RBM26: variants seen among roughly 807,000 people sequenced by gnomAD.
The protein encoded by RBM26 is RNA-binding protein 26.
RBM26 carries 30 observed loss-of-function variants against 123.6 expected under a neutral mutation model. The ratio of observed to expected loss-of-function variants is 0.24; its 90% confidence interval spans 0.18 to 0.33. The LOEUF is 0.33. RBM26 is among the 10% of genes least tolerant of loss of function. The probability of loss-of-function intolerance (pLI) is 1.00; values close to 1 mark genes in which losing one functional copy is unlikely to be tolerated. For synonymous variants in RBM26, 400 were observed against 404.4 expected (o/e 0.99, Z 0.13); for missense variants, 947 against 1,203.6 (o/e 0.79, Z 3.15).
At chr13:79,318,845 G>A (rs1015301498), downstream of RBM26, 18 of 976,414 alleles carry the variant, frequency 1.8e-5, no homozygotes, top group African/African-American at 1.1e-4. Context: ...GAGAAGAAAC[G>A]TGAGCCTCTG....
intron 17 of RBM26, among the ~76,000 whole-genome samples, chr13:79,341,810 C>T (rs750471284): frequency 6.6e-6 from 1 of 151,568 alleles, no homozygotes; most frequent in South Asian, 2.1e-4. Context: ...CAGGGAGAGG[C>T]GATCCAAAAC....
In RBM26 at chr13:79,320,014, A is replaced by C; in HGVS notation, c.*607T>G. The stretch of plus-strand genomic sequence containing the variant: ...TCTTTCCTTTTTTTTTTTTAAAGAG[A>C]CCATTCCACTTTATTATAACATCTG... On this transcript the variant is annotated 3_prime_UTR_variant, in exon 22 of 22. Transcript: ENST00000438737. 1 of 874,308 alleles carries C rather than the reference A, an allele frequency of 1.1e-6. No homozygotes were observed. Among genetic ancestry groups the C allele is most frequent in the Non-Finnish European group, 1.3e-6 (1 of 758,360 alleles). 54.2% of individuals were successfully genotyped at this position (874,308 alleles called of 1,614,324 possible).
intron 11 of RBM26, among the ~76,000 whole-genome samples, chr13:79,356,385 C>A (rs144892543): frequency 0.041 from 492 of 11,880 alleles, 20 homozygotes; most frequent in Middle Eastern, 0.11. Context: ...AAAAAAAAAA[C>A]AAACAAAAAA....
At chr13:79,398,668 A>T (rs2078800887) in intron 1 of RBM26, among the ~76,000 whole-genome samples, 1 of 152,224 alleles carries the variant, frequency 6.6e-6, no homozygotes, top group African/African-American at 2.4e-5. Flanking sequence ...TACTTTAACA[A>T]GTAAATATTA....
In RBM26 at chr13:79,391,436, GT is replaced by G. The variant is rs1279202765; in HGVS notation, c.72-12530del. 5.9e-5 allele frequency among the ~76,000 whole-genome samples: 9 copies of G among 152,208 alleles called. No homozygotes were observed. In the South Asian group the frequency reaches 1.7e-3, roughly 28 times the overall value. ...ATGAAGCATTTCTTTTTGTGTGTGTGTTTTTTTGAGACAGTCTTGTTCTGTA... is the reference window on the plus strand; with the variant it reads ...ATGAAGCATTTCTTTTTGTGTGTGTGTTTTTTGAGACAGTCTTGTTCTGTA... On this transcript the variant is annotated intron_variant, in intron 1 of 21. Coordinates refer to ENST00000438737, the MANE Select transcript of RBM26 (RefSeq NM_001366735.2).
chr13:79,347,919 T>C (rs1294258565), intron 14 of RBM26, among the ~76,000 whole-genome samples: 2 of 152,136 alleles, frequency 1.3e-5, no homozygotes, highest in Admixed American at 1.3e-4. Flanking sequence ...TTTTCTTTTA[T>C]TGCAGATTTC....
At position 79,402,460 on chromosome 13, in the gene RBM26, A is replaced by C. The variant is rs182422145; in HGVS notation, c.71+3244T>G. On this transcript the variant is annotated intron_variant, in intron 1 of 21. Transcript: ENST00000438737. The stretch of plus-strand genomic sequence containing the variant: ...CTTTTTTTTTTTTTTTTAAACATCC[A>C]TCTGAAAACCCTCTTGCCCTAAAAC... 6.9e-5 allele frequency among the ~76,000 whole-genome samples: 10 copies of C among 144,728 alleles called. No individual in the cohort carries two copies. The East Asian group carries it at 1.8e-3, about 27-fold the overall frequency. The allele number at this position is 144,728 out of a possible 152,430, so 94.9% of individuals were successfully genotyped here. A position where few individuals can be genotyped will look rare whatever the true frequency, so the allele number is the denominator to read the frequency against.
chr13:79,333,132 T>C (rs2138811557), intron 20 of RBM26, among the ~76,000 whole-genome samples: 1 of 152,284 alleles, frequency 6.6e-6, no homozygotes, highest in Middle Eastern at 3.4e-3. Context: ...GGAGAGAACA[T>C]TTAATCAAAG....
At chr13:79,367,845 A>C (rs1453345898) in intron 6 of RBM26, among the ~76,000 whole-genome samples, 14 of 152,110 alleles carry the variant, frequency 9.2e-5, no homozygotes, top group Non-Finnish European at 1.9e-4. Flanking sequence ...AACAAAAAAA[A>C]CACACAAATG....
Position 79,353,195 on chromosome 13 carries a change from C to A in RBM26, c.2016G>T (p.Arg672Ser). 3 of 1,590,280 alleles carry A rather than the reference C, an allele frequency of 1.9e-6. No homozygotes were observed. The highest frequency in any genetic ancestry group is 2.6e-6 in the Non-Finnish European group (3 of 1,167,024). The change falls in exon 14 of 22, where the codon AGG becomes AGT. Residue 672 changes from arginine to serine, a missense_variant. Around this residue, in one of 5 missense-constraint regions of RBM26, gnomAD observed 493 missense variants for 563.1 expected, o/e 0.88. Transcript: ENST00000438737. ...QNVTKLSVKD[R>S]LGFVSKPSVS... ...CAGATGGCTTTGATACAAAACCCAA[C>A]CTGTCCTTCACAGATAACTTAGTTA...
chr13:79,344,782 A>G lies in RBM26; in HGVS notation c.2071T>C (p.Ser691Pro). The G allele has an allele frequency of 6.2e-7, 1 of 1,612,456 alleles. No homozygotes were observed. The highest frequency in any genetic ancestry group is 8.5e-7 in the Non-Finnish European group (1 of 1,179,198). ...TACACTGTTTTTGTTAGGCCAGTAG[A>G]TGTAGACAACACCTACCAATACAAA... ...VSATEKVLSTSTGLTKTVYNP... is the reference protein window; with the variant it reads ...VSATEKVLSTPTGLTKTVYNP... Residue 691 changes from serine to proline, a missense_variant, in exon 15 of 22, where the codon TCT becomes CCT. Physicochemically the swap from Ser to Pro is moderately conservative, Grantham distance 74 (BLOSUM62 -1). Transcript: ENST00000438737.
intron 5 of RBM26, 75 bp from the exon 6 acceptor site, chr13:79,369,065 G>A (rs1384922972): frequency 1.1e-6 from 1 of 951,454 alleles, no homozygotes. Flanking sequence ...AAGAAATAGT[G>A]ATATTTTTAT....
intron 1 of RBM26, among the ~76,000 whole-genome samples, chr13:79,384,737 A>G (rs1157986391): frequency 6.6e-6 from 1 of 152,214 alleles, no homozygotes; most frequent in East Asian, 1.9e-4. Context: ...AAATGTTATA[A>G]TAAAATATCT....
chr13:79,316,192 G>GGTGTGTGTGTGTGTGTGTGTGTGT (rs3064578), downstream of RBM26, among the ~76,000 whole-genome samples: 193 of 142,076 alleles, frequency 1.4e-3, no homozygotes, highest in African/African-American at 4.5e-3. Context: ...AAGTGGGGCA[G>GGTGTGTGTGTGTGTGTGTGTGTGT]GTGTGTGTGT....
intron 1 of RBM26, among the ~76,000 whole-genome samples, chr13:79,395,658 T>C (rs1048177540): frequency 6.6e-6 from 1 of 151,744 alleles, no homozygotes; most frequent in African/African-American, 2.4e-5. Flanking sequence ...GGCAAAAGAA[T>C]CCCTTGAGCC....
rs775659410 is a variant in RBM26, at chr13:79,354,444, G to A, written c.1981C>T (p.Pro661Ser). The part of the protein sequence containing the change: ...AEAQSASSDL[P>S]QNVTKLSVKD... ...TCGTAAGACCTTTGCTTTACCTGAGGAAGGTCTGAAGAGGCACTCTGGGCT... is the reference window on the plus strand; with the variant it reads ...TCGTAAGACCTTTGCTTTACCTGAGAAAGGTCTGAAGAGGCACTCTGGGCT... The change falls in exon 13 of 22, where the codon CCT (proline) becomes TCT (serine). Residue 661 changes from proline to serine, a missense_variant. Pro to Ser is a moderately conservative substitution (Grantham distance 74). Around this residue, in one of 5 missense-constraint regions of RBM26, gnomAD observed 493 missense variants for 563.1 expected, o/e 0.88. Coordinates refer to ENST00000438737, the MANE Select transcript of RBM26 (RefSeq NM_001366735.2). The A allele has an allele frequency of 1.3e-6, 2 of 1,574,474 alleles. No individual in the cohort carries two copies. The highest frequency in any genetic ancestry group is 8.7e-7 in the Non-Finnish European group (1 of 1,155,432).
chr13:79,373,523 CTATATATATTTATATAATATATTT>C (rs2076314043), intron 3 of RBM26, among the ~76,000 whole-genome samples: 1 of 22,922 alleles, frequency 4.4e-5, no homozygotes, highest in Non-Finnish European at 8.0e-5. Flanking sequence ...ATATATATTA[CTATATATATTTATATAATATATTT>C]ATATATTACT....
chr13:79,402,920 T>G (rs547252806), intron 1 of RBM26, among the ~76,000 whole-genome samples: 1 of 152,152 alleles, frequency 6.6e-6, no homozygotes, highest in Non-Finnish European at 1.5e-5. Context: ...TTAAAATAAA[T>G]GTTTGCTGAA....
intron 6 of RBM26, among the ~76,000 whole-genome samples, chr13:79,367,822 T>C (rs563237776): frequency 1.3e-5 from 2 of 152,068 alleles, no homozygotes; most frequent in South Asian, 2.1e-4. Context: ...AACTAACGTA[T>C]ACATACTAAA....
Sources: gnomAD v4.1 joint callset for allele counts (sites outside exome capture counted in the v4.1 genomes callset) on GRCh38, gnomAD v4.1.1 for gene constraint, gnomAD v4.1.1 regional missense constraint, MANE v1.5 for transcripts, NCBI Gene and HGNC (gene_info 2026-07-23, HGNC 2026-07-21) for gene names.